The following ARHGAP23 variants were observed in gnomAD, a reference collection of about 807,000 sequenced individuals.
The protein encoded by ARHGAP23 is rho GTPase-activating protein 23.
In ARHGAP23, 34 loss-of-function variants were observed where a neutral mutation model predicts 136.3. The ratio of observed to expected loss-of-function variants is 0.25; its 90% CI spans 0.19 to 0.33. The LOEUF is 0.33. ARHGAP23 is among the 10% of genes least tolerant of loss of function. The pLI, the probability that ARHGAP23 is intolerant of heterozygous loss-of-function variation, is 1.00. For synonymous variants in ARHGAP23, 832 were observed against 920.5 expected (o/e 0.90, Z 1.74); for missense variants, 1,808 against 2,139.0 (o/e 0.85, Z 3.05).
chr17:38,487,892 T>TAAAATA (rs980979306), intron 17 of ARHGAP23, among the ~76,000 whole-genome samples: 21 of 151,716 alleles, frequency 1.4e-4, no homozygotes, highest in African/African-American at 4.8e-4. Context: ...AATAATACAA[T>TAAAATA]AAAATAAAAA....
At chr17:38,494,458 G>A in intron 20 of ARHGAP23, among the ~76,000 whole-genome samples, 1 of 152,074 alleles carries the variant, frequency 6.6e-6, no homozygotes, top group African/African-American at 2.4e-5. Context: ...GTGTGGTGGT[G>A]CGTGTCTGTG....
chr17:38,461,138 C>T (rs2039451324), intron 3 of ARHGAP23, among the ~76,000 whole-genome samples: 1 of 152,202 alleles, frequency 6.6e-6, no homozygotes, highest in African/African-American at 2.4e-5. Context: ...TTTCTTTTCG[C>T]ACATTTGTCT....
chr17:38,456,379 C>CGA (rs1423066690), intron 1 of ARHGAP23, among the ~76,000 whole-genome samples: 1 of 152,156 alleles, frequency 6.6e-6, no homozygotes, highest in Non-Finnish European at 1.5e-5. Flanking sequence ...TCTCCAGCTA[C>CGA]GAGAAGGGGA....
chr17:38,433,631 G>A (rs1367515106), intron 1 of ARHGAP23, among the ~76,000 whole-genome samples: 1 of 152,184 alleles, frequency 6.6e-6, no homozygotes, highest in African/African-American at 2.4e-5. Flanking sequence ...GGAAATTAGA[G>A]GAGCAGGTGA....
intron 23 of ARHGAP23, among the ~76,000 whole-genome samples, chr17:38,504,420 G>A (rs1015011719): frequency 6.6e-6 from 1 of 152,218 alleles, no homozygotes; most frequent in African/African-American, 2.4e-5. Flanking sequence ...TGTCCCGGCT[G>A]TAAGGAAGGG....
Position 38,500,578 on chromosome 17 carries a change from TTC to T in ARHGAP23, c.3416-17_3416-16del. 1 of 1,548,960 alleles carries T rather than the reference TTC, an allele frequency of 6.5e-7. No individual in the cohort carries two copies. On this transcript the variant is annotated splice_polypyrimidine_tract_variant and intron_variant, in intron 22 of 23. Coordinates refer to ENST00000622683, the MANE Select transcript of ARHGAP23 (RefSeq NM_001199417.2). ...TTCCTGATGCAACTTTCATTTTTTT[TTC>T]TGTCTTTCACCAACAGATTCTACCA...
intron 1 of ARHGAP23, among the ~76,000 whole-genome samples, chr17:38,423,384 T>G (rs547046699): frequency 6.6e-6 from 1 of 151,858 alleles, no homozygotes; most frequent in East Asian, 1.9e-4. Context: ...TTTTGTTTTT[T>G]TTTTTGAAAC....
chr17:38,465,585 A>G (rs2039570488), intron 6 of ARHGAP23, among the ~76,000 whole-genome samples: 2 of 152,202 alleles, frequency 1.3e-5, no homozygotes, highest in South Asian at 2.1e-4. Context: ...TTCCAGGCCC[A>G]GGGGTGGCAG....
chr17:38,501,908 T>A (rs1305629488), intron 23 of ARHGAP23, among the ~76,000 whole-genome samples: 1 of 150,790 alleles, frequency 6.6e-6, no homozygotes, highest in Non-Finnish European at 1.5e-5. Context: ...AGTATAATTT[T>A]AAATATTGAT....
At chr17:38,509,796 G>A (rs1048309519) in intron 23 of ARHGAP23, 148 bp from the exon 24 acceptor site, 11 of 540,888 alleles carry the variant, frequency 2.0e-5, no homozygotes, top group African/African-American at 2.0e-4. Flanking sequence ...GCTGGAGGAG[G>A]AGCGTTTTAT....
chr17:38,490,595 A>T (rs2040255881), intron 19 of ARHGAP23, 44 bp downstream of exon 19: 1 of 1,439,030 alleles, frequency 6.9e-7, no homozygotes, highest in Non-Finnish European at 9.6e-7. Context: ...GCAAGCACGG[A>T]CTTACTGTGT....
upstream of ARHGAP23, among the ~76,000 whole-genome samples, chr17:38,424,658 A>G (rs1269609396): frequency 2.0e-5 from 3 of 152,096 alleles, no homozygotes; most frequent in Non-Finnish European, 2.9e-5. Flanking sequence ...CAGAAGATGG[A>G]CCCACGGTTT....
intron 1 of ARHGAP23, among the ~76,000 whole-genome samples, chr17:38,438,265 G>A (rs914551799): frequency 1.4e-5 from 2 of 146,150 alleles, no homozygotes; most frequent in Admixed American, 7.1e-5. Flanking sequence ...AAGTTGCAGC[G>A]AGCCAAGATC....
chr17:38,463,478 A>G, intron 6 of ARHGAP23, 96 bp downstream of exon 6: 2 of 1,427,526 alleles, frequency 1.4e-6, no homozygotes, highest in Non-Finnish European at 1.9e-6. Flanking sequence ...TGGAGGGCAC[A>G]GGCCGACATT....
At chr17:38,476,658 A>C (rs1482100601) in intron 11 of ARHGAP23, among the ~76,000 whole-genome samples, 1 of 152,148 alleles carries the variant, frequency 6.6e-6, no homozygotes, top group Non-Finnish European at 1.5e-5. Context: ...GGAGGTGTGC[A>C]GGGAGAGGAG....
chr17:38,468,321 G>T (rs1483524863), intron 7 of ARHGAP23, among the ~76,000 whole-genome samples: 1 of 152,206 alleles, frequency 6.6e-6, no homozygotes, highest in Admixed American at 6.5e-5. Context: ...GAGTAGAGTG[G>T]CTGGGTGATG....
intron 16 of ARHGAP23, among the ~76,000 whole-genome samples, chr17:38,484,058 G>A (rs1198330664): frequency 2.6e-5 from 4 of 152,150 alleles, no homozygotes; most frequent in Non-Finnish European, 4.4e-5. Context: ...GGGAGGCATC[G>A]TGAGAACAAA....
At chr17:38,484,683 CG>C (rs771568722) in intron 16 of ARHGAP23, among the ~76,000 whole-genome samples, 1 of 152,062 alleles carries the variant, frequency 6.6e-6, no homozygotes, top group Non-Finnish European at 1.5e-5. Flanking sequence ...GGGCAGGAGC[CG>C]CACTGGGTGT....
intron 17 of ARHGAP23, among the ~76,000 whole-genome samples, chr17:38,488,079 A>T (rs56016673): frequency 0.21 from 31,044 of 150,786 alleles, 3,419 homozygotes; most frequent in East Asian, 0.37. Flanking sequence ...TTAAAAAAAA[A>T]TTTTTTTTGG....
Sources: gnomAD v4.1 joint callset for allele counts (sites outside exome capture counted in the v4.1 genomes callset) on GRCh38, gnomAD v4.1.1 for gene constraint, MANE v1.5 for transcripts, NCBI Gene and HGNC (gene_info 2026-07-23, HGNC 2026-07-21) for gene names.